NPLOC4: variants seen among roughly 807,000 people sequenced by gnomAD.
NPLOC4 encodes the protein NPL4 homolog, ubiquitin recognition factor, also known as nuclear protein localization protein 4 homolog.
Under a neutral mutation model 80.6 loss-of-function variants are expected in NPLOC4, and 18 were observed. The observed-to-expected ratio is 0.22, with a 90% CI of 0.15 to 0.33. The LOEUF (loss-of-function observed/expected upper bound fraction) is 0.33, where lower values mean the gene tolerates loss of function less well. NPLOC4 is among the 10% of genes least tolerant of loss of function. The pLI is 1.00. For synonymous variants in NPLOC4, 313 were observed against 301.5 expected (o/e 1.04, Z -0.39); for missense variants, 540 against 786.1 (o/e 0.69, Z 3.74).
At chr17:81,586,215 G>T (rs1000232136) in intron 12 of NPLOC4, among the ~76,000 whole-genome samples, 5 of 152,192 alleles carry the variant, frequency 3.3e-5, no homozygotes, top group African/African-American at 1.2e-4. Flanking sequence ...CCTCCTGCAG[G>T]AAGTGAGTGC....
At chr17:81,621,342 G>A (rs931271864) in intron 3 of NPLOC4, among the ~76,000 whole-genome samples, 2 of 152,204 alleles carry the variant, frequency 1.3e-5, no homozygotes, top group Non-Finnish European at 2.9e-5. Context: ...ATAGTAATTT[G>A]TGAATCTAAA....
intron 2 of NPLOC4, among the ~76,000 whole-genome samples, chr17:81,625,572 A>G (rs560144360): frequency 1.3e-5 from 2 of 152,296 alleles, no homozygotes; most frequent in South Asian, 2.1e-4. Context: ...GAAGGGAGAG[A>G]GCAGAAGAGT....
intron 11 of NPLOC4, among the ~76,000 whole-genome samples, chr17:81,593,033 T>TA (rs1451833701): frequency 6.6e-6 from 1 of 152,058 alleles, no homozygotes; most frequent in Non-Finnish European, 1.5e-5. Flanking sequence ...CAGAATAAAA[T>TA]AGTCATTAAA....
At chr17:81,575,229 A>T (rs2034265393) in intron 12 of NPLOC4, among the ~76,000 whole-genome samples, 1 of 152,104 alleles carries the variant, frequency 6.6e-6, no homozygotes, top group African/African-American at 2.4e-5. Flanking sequence ...CCTCCCGAGT[A>T]GCTGGGACTA....
chr17:81,605,392 A>T (rs1371913703), intron 7 of NPLOC4, among the ~76,000 whole-genome samples: 1 of 152,110 alleles, frequency 6.6e-6, no homozygotes, highest in African/African-American at 2.4e-5. Context: ...CATGCCTGTA[A>T]TCCCAGCACT....
chr17:81,594,591 T>G (rs2034845694), intron 11 of NPLOC4, among the ~76,000 whole-genome samples: 1 of 151,682 alleles, frequency 6.6e-6, no homozygotes, highest in Non-Finnish European at 1.5e-5. Flanking sequence ...CTGGCTAGCA[T>G]GGTGAAACCC....
intron 3 of NPLOC4, among the ~76,000 whole-genome samples, chr17:81,617,663 C>CTCCCTCCCCCT (rs1873919546): frequency 7.5e-6 from 1 of 134,134 alleles, no homozygotes; most frequent in Non-Finnish European, 1.6e-5. Flanking sequence ...CAAAAAATGC[C>CTCCCTCCCCCT]CCCCCTCCCC....
At chr17:81,619,201 TAA>T (rs149822142) in intron 3 of NPLOC4, among the ~76,000 whole-genome samples, 478 of 138,216 alleles carry the variant, frequency 3.5e-3, no homozygotes, top group East Asian at 0.022. Flanking sequence ...AATGATCAAT[TAA>T]AAAAAAAAAA....
Position 81,615,100 on chromosome 17 carries a change from C to CTTTCTTTTT in NPLOC4, c.210-1607_210-1606insAAAAAGAAA, listed in dbSNP as rs749807551. 6.7e-5 allele frequency among the ~76,000 whole-genome samples: 9 copies of CTTTCTTTTT among 133,548 alleles called. 1 individual carries two copies. Among genetic ancestry groups the CTTTCTTTTT allele is most frequent in the Admixed American group, 1.6e-4 (2 of 12,602 alleles). 87.6% of individuals were successfully genotyped at this position (133,548 alleles called of 152,430 possible). A position where few individuals can be genotyped will look rare whatever the true frequency, so the allele number is the denominator to read the frequency against. On this transcript the variant is annotated intron_variant, in intron 3 of 16. Coordinates refer to ENST00000331134, the MANE Select transcript of NPLOC4 (RefSeq NM_017921.4). ...ATTACCACATCAGAGACGTCTGTTT[C>CTTTCTTTTT]TTTTTTTTTTTTTTTTTGAGACAGA...
At chr17:81,613,595 G>A (rs1459777527) in intron 3 of NPLOC4, 101 bp from the exon 4 acceptor site, 4 of 1,045,882 alleles carry the variant, frequency 3.8e-6, no homozygotes, top group South Asian at 1.6e-5. Context: ...AACCACCCCT[G>A]TAGGCCTAAA....
At chr17:81,585,671 G>T (rs953920853) in intron 12 of NPLOC4, among the ~76,000 whole-genome samples, 3 of 141,788 alleles carry the variant, frequency 2.1e-5, no homozygotes, top group Non-Finnish European at 4.5e-5. Flanking sequence ...TGGGGGGGGG[G>T]GGAAAGAAAG....
intron 7 of NPLOC4, among the ~76,000 whole-genome samples, chr17:81,606,036 G>T (rs2035194842): frequency 6.6e-6 from 1 of 151,988 alleles, no homozygotes; most frequent in Admixed American, 6.6e-5. Flanking sequence ...TGGCCAGGCT[G>T]GTCTTGAACT....
In NPLOC4 at chr17:81,580,339, A is replaced by AC. The variant is rs2034405731; in HGVS notation, c.1282-8252dup. ...TTCTCTCGATCACACCACACACTCAACCCCCTCACTACTGCACAGCCATCT... is the reference window on the plus strand; with the variant it reads ...TTCTCTCGATCACACCACACACTCAACCCCCCTCACTACTGCACAGCCATCT... On this transcript the variant is annotated intron_variant, in intron 12 of 16. Transcript: ENST00000331134. This position sits in a 1 kb window ranked among gnomAD's most constrained non-coding sequence, Gnocchi z 4.4. Among the ~76,000 whole-genome samples the AC allele has an allele frequency of 6.7e-6, 1 of 149,466 alleles. No homozygotes were observed. The highest frequency in any genetic ancestry group is 6.7e-5 in the Admixed American group (1 of 15,000).
chr17:81,590,143 TA>T (rs1324385174), intron 11 of NPLOC4, among the ~76,000 whole-genome samples: 17 of 152,222 alleles, frequency 1.1e-4, no homozygotes, highest in African/African-American at 3.9e-4. Context: ...CACACAGAGT[TA>T]ATGCCACCAG....
intron 3 of NPLOC4, among the ~76,000 whole-genome samples, chr17:81,617,540 T>C (rs1387424705): frequency 1.3e-5 from 2 of 152,252 alleles, no homozygotes; most frequent in Admixed American, 6.5e-5. Flanking sequence ...CCGGGCACAG[T>C]GGCTCATGCC....
At chr17:81,631,438 T>TATATATATATATATATA (rs1568170977) in intron 1 of NPLOC4, among the ~76,000 whole-genome samples, 23 of 25,904 alleles carry the variant, frequency 8.9e-4, no homozygotes, top group African/African-American at 2.7e-3. Context: ...ATATATATAT[T>TATATATATATATATATA]TTTTTTTTTT....
intron 13 of NPLOC4, among the ~76,000 whole-genome samples, chr17:81,571,188 T>C (rs1353642638): frequency 2.6e-5 from 4 of 152,194 alleles, no homozygotes; most frequent in Non-Finnish European, 4.4e-5. Context: ...AATGATATTT[T>C]ACTGCCTGAA....
chr17:81,631,664 C>A lies in NPLOC4; in HGVS notation c.16-1859G>T, dbSNP rs2035934723. Among the ~76,000 whole-genome samples, 4 of 152,014 alleles carry A rather than the reference C, an allele frequency of 2.6e-5. No individual in the cohort carries two copies. The South Asian group carries it at 8.3e-4, about 32-fold the overall frequency. ...GCAGCAAACAAAGACCTGCTCCAAC[C>A]ATCCGCGGGACGGGAAGGAAGGCAG... is the stretch of plus-strand genomic sequence containing the variant. On this transcript the variant is annotated intron_variant, in intron 1 of 16. Coordinates refer to ENST00000331134, the MANE Select transcript of NPLOC4 (RefSeq NM_017921.4).
intron 14 of NPLOC4, 80 bp downstream of exon 14, chr17:81,568,936 G>A: frequency 3.1e-6 from 3 of 973,348 alleles, no homozygotes; most frequent in South Asian, 2.8e-5. Flanking sequence ...AAAGCTTGAT[G>A]TTTTCTGGAA....
Sources: gnomAD v4.1 joint callset for allele counts (sites outside exome capture counted in the v4.1 genomes callset) on GRCh38, gnomAD v4.1.1 for gene constraint, Gnocchi (gnomAD v3.1) non-coding constraint, MANE v1.5 for transcripts, NCBI Gene and HGNC (gene_info 2026-07-23, HGNC 2026-07-21) for gene names.